The following POLQ variants were observed in gnomAD, a reference collection of about 807,000 sequenced individuals.
POLQ encodes DNA polymerase theta.
Under a neutral mutation model 259.2 loss-of-function variants are expected in POLQ, and 233 were observed. The ratio of observed to expected loss-of-function variants is 0.90; its 90% confidence interval spans 0.81 to 1.00. The LOEUF is 1.00. Ranked by LOEUF, POLQ falls within the 50% of genes least tolerant of loss-of-function variation. The pLI is 0.00. For missense variants in POLQ, 2,871 were observed against 3,051.6 expected (o/e 0.94, Z 1.39); for synonymous variants, 1,025 against 1,048.8 (o/e 0.98, Z 0.44).
chr3:121,450,260 TA>T (rs1290763163), intron 25 of POLQ, among the ~76,000 whole-genome samples: 1 of 152,190 alleles, frequency 6.6e-6, no homozygotes, highest in Non-Finnish European at 1.5e-5. Context: ...TCTAAAAAGA[TA>T]ACTTGCATGA....
intron 16 of POLQ, among the ~76,000 whole-genome samples, chr3:121,486,026 A>G (rs969571669): frequency 2.0e-5 from 3 of 152,246 alleles, no homozygotes; most frequent in Non-Finnish European, 2.9e-5. Flanking sequence ...ACAGGAATAT[A>G]CATAGCCTTA....
intron 26 of POLQ, among the ~76,000 whole-genome samples, chr3:121,444,003 C>T (rs546278723): frequency 2.4e-4 from 37 of 152,096 alleles, no homozygotes; most frequent in East Asian, 7.7e-4. Context: ...TAGCATAATT[C>T]GAAGTCAGGT....
chr3:121,509,819 G>C, intron 11 of POLQ, 116 bp from the exon 12 acceptor site: 1 of 1,045,054 alleles, frequency 9.6e-7, no homozygotes, highest in Non-Finnish European at 1.4e-6. Context: ...TTTACAAATA[G>C]TACCTTATCC....
chr3:121,529,407 C>T (rs1183318783), intron 7 of POLQ, among the ~76,000 whole-genome samples: 1 of 152,142 alleles, frequency 6.6e-6, no homozygotes, highest in Non-Finnish European at 1.5e-5. Context: ...ATAGTATATA[C>T]CCAGTATTCT....
Position 121,432,437 on chromosome 3 carries a change from A to G in POLQ, c.7660-20T>C. 1 of 1,599,376 alleles carries G rather than the reference A, an allele frequency of 6.3e-7. No individual in the cohort carries two copies. Among genetic ancestry groups the G allele is most frequent in the Non-Finnish European group, 8.5e-7 (1 of 1,175,356 alleles). ...AGCTACCTAAGGAAAAAAAAAATGT[A>G]GTTAACAAACTGCCCAGTCAAAGAA... On this transcript the variant is annotated intron_variant, in intron 29 of 29. Coordinates refer to ENST00000264233, the MANE Select transcript of POLQ (RefSeq NM_199420.4).
intron 25 of POLQ, among the ~76,000 whole-genome samples, chr3:121,456,916 G>C (rs1338927555): frequency 2.0e-5 from 3 of 152,104 alleles, no homozygotes; most frequent in Admixed American, 6.6e-5. Flanking sequence ...AAAAGAGCCT[G>C]CATCGCCAAG....
chr3:121,472,033 T>C lies in POLQ; in HGVS notation c.6675A>G (p.Gly2225=). The change falls in exon 22 of 30, where the codon GGA becomes GGG. Residue 2225 remains glycine (G), a synonymous_variant. Transcript: ENST00000264233. ...QREKCLNPFL[G]MERIYPVSQS... is the part of the protein sequence containing the mutation. ...GTGATACAGGATAGATTCTTTCCAT[T>C]CCAAGAAAAGGATTAAGACACTTTT... is the stretch of plus-strand genomic sequence containing the variant. 1 of 1,578,542 alleles carries C rather than the reference T, an allele frequency of 6.3e-7. No individual in the cohort carries two copies. The highest frequency in any genetic ancestry group is 8.7e-7 in the Non-Finnish European group (1 of 1,155,228).
At chr3:121,494,141 AG>A in intron 14 of POLQ, 1 of 811,816 alleles carries the variant, frequency 1.2e-6, no homozygotes, top group Non-Finnish European at 2.1e-6. Context: ...AAGGGAACGA[AG>A]GTGGCTCCGG....
intron 2 of POLQ, among the ~76,000 whole-genome samples, chr3:121,542,514 G>A (rs564430210): frequency 6.6e-6 from 1 of 152,322 alleles, no homozygotes; most frequent in South Asian, 2.1e-4. Context: ...TAAGCATGGA[G>A]TATAAAGTAC....
chr3:121,488,296 G>T lies in POLQ; in HGVS notation c.4635C>A (p.His1545Gln), dbSNP rs3218652. The change falls in exon 16 of 30, where the codon CAC becomes CAA. Residue 1545 changes from histidine (H) to glutamine (Q), a missense_variant. Around this residue, in one of 3 missense-constraint regions of POLQ, gnomAD observed 2,080 missense variants for 2,126.0 expected, o/e 0.98. Transcript: ENST00000264233. ...KSNVNENQDT[H>Q]QQLTCSNDES... is the part of the protein sequence containing the mutation. The stretch of plus-strand genomic sequence containing the variant: ...CATCATTGGAACAAGTCAACTGCTG[G>T]TGGGTATCTTGATTCTCATTTACAT... The T allele has an allele frequency of 2.6e-3, 4,225 of 1,612,446 alleles. 106 individuals carry two copies. In the African/African-American group the frequency reaches 0.05, roughly 19 times the overall value.
chr3:121,490,003 C>A lies in POLQ; in HGVS notation c.2928G>T (p.Gly976=). 1 of 1,579,892 alleles carries A rather than the reference C, an allele frequency of 6.3e-7. No homozygotes were observed. The highest frequency in any genetic ancestry group is 1.2e-5 in the South Asian group (1 of 83,692). Reference sequence around the variant, plus strand: ...TGGAACATGTCTGATGTTCTTGATTCCCATTCTGGAAATTACAATTAAAGG... The same window carrying A: ...TGGAACATGTCTGATGTTCTTGATTACCATTCTGGAAATTACAATTAAAGG... The part of the protein sequence containing the change: ...TSSFNCNFQN[G]NQEHQTCSIF... Residue 976 remains glycine, a synonymous_variant, in exon 16 of 30, where the codon GGG becomes GGT. Coordinates refer to ENST00000264233, the MANE Select transcript of POLQ (RefSeq NM_199420.4).
In POLQ at chr3:121,460,112, C is replaced by T. The variant is rs2047779609; in HGVS notation, c.7090G>A (p.Ala2364Thr). 6.2e-7 allele frequency: 1 copy of T among 1,613,962 alleles called. No individual in the cohort carries two copies. Among genetic ancestry groups the T allele is most frequent in the Non-Finnish European group, 8.5e-7 (1 of 1,179,938 alleles). The change falls in exon 25 of 30, where the codon GCA becomes ACA. Residue 2364 changes from alanine to threonine, a missense_variant. Around this residue, in one of 3 missense-constraint regions of POLQ, gnomAD observed 2,080 missense variants for 2,126.0 expected, o/e 0.98. Coordinates refer to ENST00000264233, the MANE Select transcript of POLQ (RefSeq NM_199420.4). The stretch of plus-strand genomic sequence containing the variant: ...TCTGGCTCAATCATCTTCCACTCTG[C>T]TGCAATGCTCCTGAAAACATCAGCT... ...TGADVFRSIA[A>T]EWKMIEPESV...
chr3:121,523,000 G>A (rs1343678651), intron 7 of POLQ, among the ~76,000 whole-genome samples: 1 of 151,852 alleles, frequency 6.6e-6, no homozygotes, highest in African/African-American at 2.4e-5. Flanking sequence ...TCTGTTTTTT[G>A]TCTTCTCCCC....
At chr3:121,509,798 G>A (rs942678883) in intron 11 of POLQ, 95 bp from the exon 12 acceptor site, 34 of 1,264,952 alleles carry the variant, frequency 2.7e-5, no homozygotes, top group African/African-American at 2.3e-4. Flanking sequence ...TAACCCTCCC[G>A]GCTGATAAAT....
chr3:121,448,152 G>C (rs1375714975), intron 26 of POLQ, among the ~76,000 whole-genome samples: 5 of 152,048 alleles, frequency 3.3e-5, no homozygotes, highest in Admixed American at 3.3e-4. Flanking sequence ...ACTCTTAGAA[G>C]ATTTGCCCTT....
chr3:121,473,377 C>T lies in POLQ; in HGVS notation c.6516G>A (p.Arg2172=). The T allele has an allele frequency of 6.2e-7, 1 of 1,614,060 alleles. No individual in the cohort carries two copies. The highest frequency in any genetic ancestry group is 8.5e-7 in the Non-Finnish European group (1 of 1,179,948). ...TACTAGTGCTGAACTGTCTTCCCAG[C>T]CTTAGCTTGCGTCCATTGTCAATCC... ...RRGIDNGRKL[R]LGRQFSTSKD... The change falls in exon 21 of 30, where the codon AGG becomes AGA. Residue 2172 remains arginine (R), a synonymous_variant. Coordinates refer to ENST00000264233, the MANE Select transcript of POLQ (RefSeq NM_199420.4).
Position 121,493,522 on chromosome 3 carries a change from A to T in POLQ, c.2478T>A (p.Ile826=). 6.2e-7 allele frequency: 1 copy of T among 1,613,906 alleles called. No homozygotes were observed. The highest frequency in any genetic ancestry group is 8.5e-7 in the Non-Finnish European group (1 of 1,179,842). The change falls in exon 15 of 30, where the codon ATT becomes ATA. Residue 826 remains isoleucine (I), a synonymous_variant. Transcript: ENST00000264233. The part of the protein sequence containing the change: ...HTVADLARAN[I]VEVEVILKNA... Reference sequence around the variant, plus strand: ...TTTTCAGAATCACCTCCACCTCCACAATATTTGCTCTAGCAAGGTCTGCCA... The same window carrying T: ...TTTTCAGAATCACCTCCACCTCCACTATATTTGCTCTAGCAAGGTCTGCCA...
At chr3:121,482,119 G>A (rs2047976266) in intron 18 of POLQ, among the ~76,000 whole-genome samples, 1 of 152,146 alleles carries the variant, frequency 6.6e-6, no homozygotes, top group Admixed American at 6.5e-5. Flanking sequence ...CAAACCATGT[G>A]TCTGAAAATG....
chr3:121,449,484 G>C (rs142427428), intron 25 of POLQ, 58 bp from the exon 26 acceptor site: 160 of 934,088 alleles, frequency 1.7e-4, no homozygotes, highest in African/African-American at 1.3e-3. Flanking sequence ...CAAATAAAAG[G>C]GTTCATTAGG....
Sources: gnomAD v4.1 joint callset for allele counts (sites outside exome capture counted in the v4.1 genomes callset) on GRCh38, gnomAD v4.1.1 for gene constraint, gnomAD v4.1.1 regional missense constraint, MANE v1.5 for transcripts, NCBI Gene and HGNC (gene_info 2026-07-23, HGNC 2026-07-21) for gene names.